BCL2L1: variants seen among roughly 807,000 people sequenced by gnomAD.
BCL2L1 encodes the protein bcl-2-like protein 1.
BCL2L1 carries 1 observed loss-of-function variant against 18.7 expected under a neutral mutation model. That is an observed-to-expected ratio of 0.05 (90% CI 0.02 to 0.25). The LOEUF (loss-of-function observed/expected upper bound fraction) is 0.25. Ranked by LOEUF, BCL2L1 falls within the 10% of genes least tolerant of loss-of-function variation. The probability of loss-of-function intolerance (pLI) is 1.00; values close to 1 mark genes in which losing one functional copy is unlikely to be tolerated. For missense variants in BCL2L1, 207 were observed against 304.9 expected (o/e 0.68, Z 2.39); for synonymous variants, 103 against 122.7 (o/e 0.84, Z 1.06).
At chr20:31,719,974 A>G (rs765051475) in intron 2 of BCL2L1, 58 of 565,764 alleles carry the variant, frequency 1.0e-4, no homozygotes, top group Non-Finnish European at 1.2e-4. Context: ...ATTTGCCCCA[A>G]AAGAGAATCA....
chr20:31,713,872 G>A (rs572390169), intron 2 of BCL2L1, among the ~76,000 whole-genome samples: 4 of 152,262 alleles, frequency 2.6e-5, no homozygotes, highest in Admixed American at 2.6e-4. Flanking sequence ...TCCAAAAACT[G>A]CCTCTTCCTC....
At chr20:31,667,718 C>CA (rs1294504426) in intron 2 of BCL2L1, among the ~76,000 whole-genome samples, 9 of 152,118 alleles carry the variant, frequency 5.9e-5, no homozygotes, top group Non-Finnish European at 1.0e-4. Flanking sequence ...ACAACCCCCT[C>CA]AGTCCATGCT....
intron 2 of BCL2L1, among the ~76,000 whole-genome samples, chr20:31,678,549 G>A (rs1174757646): frequency 2.0e-5 from 3 of 152,210 alleles, no homozygotes; most frequent in Non-Finnish European, 2.9e-5. Flanking sequence ...AGTAATTAGT[G>A]TGTAAATTGA....
chr20:31,698,868 G>A (rs923831632), intron 2 of BCL2L1, among the ~76,000 whole-genome samples: 2 of 152,066 alleles, frequency 1.3e-5, no homozygotes, highest in Non-Finnish European at 2.9e-5. Context: ...GTGAGTCAAG[G>A]GGAGATCTCC....
In BCL2L1 at chr20:31,722,105, TG is replaced by T; in HGVS notation, c.113del (p.Pro38GlnfsTer28). ...SDVEENRTEA[P>X]EGTESEMETP... Reference sequence around the variant, plus strand: ...TCTCCATCTCCGATTCAGTCCCTTCTGGGGCCTCAGTCCTGTTCTCTTCCAC... The same window carrying T: ...TCTCCATCTCCGATTCAGTCCCTTCTGGGCCTCAGTCCTGTTCTCTTCCAC... On this transcript the variant is annotated frameshift_variant, in exon 2 of 3. Coordinates refer to ENST00000307677, the MANE Select transcript of BCL2L1 (RefSeq NM_138578.3). LOFTEE classifies it high-confidence loss of function. 1 of 1,579,492 alleles carries T rather than the reference TG, an allele frequency of 6.3e-7. No individual in the cohort carries two copies.
intron 2 of BCL2L1, among the ~76,000 whole-genome samples, chr20:31,679,783 C>T (rs1200117855): frequency 6.6e-6 from 1 of 152,206 alleles, no homozygotes; most frequent in Non-Finnish European, 1.5e-5. Flanking sequence ...TGTGCCTCAG[C>T]CTCCTGAGTA....
intron 2 of BCL2L1, among the ~76,000 whole-genome samples, chr20:31,703,449 G>A (rs2061316143): frequency 6.6e-6 from 1 of 150,678 alleles, no homozygotes; most frequent in Admixed American, 6.6e-5. Context: ...AAAATGCTGG[G>A]ATTACAGGTG....
intron 2 of BCL2L1, among the ~76,000 whole-genome samples, chr20:31,672,586 G>A (rs1278451583): frequency 1.3e-5 from 2 of 152,172 alleles, no homozygotes; most frequent in Admixed American, 1.3e-4. Flanking sequence ...CAACAGTCTG[G>A]GGGCTCAGTG....
rs956236837 is a variant in BCL2L1 at position 31,673,006 on chromosome 20, C to G, written c.565-6920G>C. On this transcript the variant is annotated intron_variant, in intron 2 of 2. Coordinates refer to ENST00000307677, the MANE Select transcript of BCL2L1 (RefSeq NM_138578.3). ...TGAGCAACTGTGCCCACCCTTCCCA[C>G]TTCTTCCAAGTAGTGTGACTTTGAG... 3.3e-5 allele frequency among the ~76,000 whole-genome samples: 5 copies of G among 151,474 alleles called. No individual in the cohort carries two copies. In the East Asian group the frequency reaches 7.8e-4, roughly 23 times the overall value.
intron 2 of BCL2L1, among the ~76,000 whole-genome samples, chr20:31,697,667 G>C (rs1198259339): frequency 1.3e-5 from 2 of 152,072 alleles, no homozygotes; most frequent in East Asian, 3.9e-4. Context: ...TCAAACTCCT[G>C]ACCTCATGAT....
At chr20:31,693,317 T>C (rs1340197367) in intron 2 of BCL2L1, among the ~76,000 whole-genome samples, 2 of 151,330 alleles carry the variant, frequency 1.3e-5, no homozygotes, top group East Asian at 3.9e-4. Flanking sequence ...AAAATAATAA[T>C]AATAATTAAA....
At chr20:31,668,603 C>CTT (rs1234488543) in intron 2 of BCL2L1, among the ~76,000 whole-genome samples, 129 of 127,064 alleles carry the variant, frequency 1.0e-3, no homozygotes, top group African/African-American at 8.9e-4. Flanking sequence ...CATATCTGGC[C>CTT]TTTTTTTTTT....
intron 2 of BCL2L1, among the ~76,000 whole-genome samples, chr20:31,694,964 C>T (rs1437314346): frequency 6.6e-6 from 1 of 152,156 alleles, no homozygotes; most frequent in Non-Finnish European, 1.5e-5. Context: ...CAGTTCAACT[C>T]CACAGCCCTA....
intron 2 of BCL2L1, among the ~76,000 whole-genome samples, chr20:31,673,213 C>T (rs2060700951): frequency 1.3e-5 from 2 of 151,776 alleles, no homozygotes; most frequent in Admixed American, 6.6e-5. Context: ...CCTGGGATTA[C>T]AGGCACCCGC....
At chr20:31,675,981 C>G (rs2060752042) in intron 2 of BCL2L1, among the ~76,000 whole-genome samples, 1 of 152,198 alleles carries the variant, frequency 6.6e-6, no homozygotes, top group Non-Finnish European at 1.5e-5. Flanking sequence ...CTGACAGATG[C>G]ACTTGCATTT....
chr20:31,675,565 T>C (rs2060745682), intron 2 of BCL2L1, among the ~76,000 whole-genome samples: 1 of 152,112 alleles, frequency 6.6e-6, no homozygotes, highest in Admixed American at 6.5e-5. Context: ...AGCTGTTGGC[T>C]CCCGAGATGT....
In BCL2L1 at chr20:31,709,605, G is replaced by A. The variant is rs376011199; in HGVS notation, c.564+12050C>T. Among the ~76,000 whole-genome samples the A allele has an allele frequency of 1.0e-3, 159 of 151,974 alleles. 2 individuals carry two copies. The South Asian group carries it at 0.025, about 24-fold the overall frequency. On this transcript the variant is annotated intron_variant, in intron 2 of 2. Transcript: ENST00000307677. ...TCCCAGTGCTTTGGGAGGCTGAGGC[G>A]GGTGGATCACGAGGTCAGGAGATCG... is the stretch of plus-strand genomic sequence containing the variant.
chr20:31,666,140 T>C (rs898941505), intron 2 of BCL2L1, 54 bp from the exon 3 acceptor site: 3 of 1,601,420 alleles, frequency 1.9e-6, no homozygotes, highest in Non-Finnish European at 2.6e-6. Flanking sequence ...GTGATGTAGG[T>C]GGGTGGGGAA....
chr20:31,711,999 A>G (rs1182791400), intron 2 of BCL2L1, among the ~76,000 whole-genome samples: 3 of 152,188 alleles, frequency 2.0e-5, no homozygotes, highest in African/African-American at 7.2e-5. Flanking sequence ...GAAGGTAACA[A>G]CACCTACTTT....
Sources: allele counts gnomAD v4.1 joint callset (sites outside exome capture counted in the v4.1 genomes callset), GRCh38; gene constraint gnomAD v4.1.1; transcripts MANE v1.5; gene names NCBI Gene and HGNC (gene_info 2026-07-23, HGNC 2026-07-21).